Variants in STK31 observed in about 807,000 individuals in gnomAD.
STK31 encodes the protein serine/threonine kinase 31.
Under a neutral mutation model 129.7 loss-of-function variants are expected in STK31, and 89 were observed. The ratio of observed to expected loss-of-function variants is 0.69; its 90% CI spans 0.58 to 0.82. STK31 has a LOEUF of 0.82. STK31 is among the 40% of genes least tolerant of loss of function. STK31 has a pLI of 0.00. For missense variants in STK31, 1,187 were observed against 1,176.4 expected, an observed-to-expected ratio of 1.01 and a Z score of -0.13; for synonymous variants, 448 against 395.3, an observed-to-expected ratio of 1.13 and a Z score of -1.58.
intron 22 of STK31, among the ~76,000 whole-genome samples, chr7:23,804,512 G>C (rs1227257004): frequency 6.6e-6 from 1 of 152,002 alleles, no homozygotes; most frequent in East Asian, 1.9e-4. Context: ...ATAGTTCCAT[G>C]TTTTTTTCCT....
chr7:23,730,878 A>ATATATTTTTTTTT, intron 6 of STK31, among the ~76,000 whole-genome samples: 10 of 59,540 alleles, frequency 1.7e-4, no homozygotes, highest in Non-Finnish European at 3.3e-4. Flanking sequence ...ATATATATAT[A>ATATATTTTTTTTT]TTTTTTTTTT....
At chr7:23,788,374 A>G (rs1584449602) in intron 21 of STK31, among the ~76,000 whole-genome samples, 2 of 152,138 alleles carry the variant, frequency 1.3e-5, no homozygotes, top group Non-Finnish European at 2.9e-5. Context: ...GACAACATTA[A>G]TAATTTTGTC....
chr7:23,830,592 TTGTG>T lies in STK31; in HGVS notation c.2830-1510_2830-1507del, dbSNP rs3034048. On this transcript the variant is annotated intron_variant, in intron 23 of 23. Transcript: ENST00000355870. Reference sequence around the variant, plus strand: ...AGCAGCACGTTGTTTAATTTCCATGTTGTGTGTGTGTGTGTGTGTGTGTGTGTGT... The same window carrying T: ...AGCAGCACGTTGTTTAATTTCCATGTTGTGTGTGTGTGTGTGTGTGTGTGT... Among the ~76,000 whole-genome samples the T allele has an allele frequency of 6.4e-3, 908 of 142,232 alleles. 7 individuals are homozygous for T. The highest frequency in any genetic ancestry group is 0.02 in the African/African-American group (739 of 37,098). The allele number at this position is 142,232 out of a possible 152,430, so 93.3% of individuals were successfully genotyped here. A position where few individuals can be genotyped will look rare whatever the true frequency, so the allele number is the denominator to read the frequency against.
Position 23,721,935 on chromosome 7 carries a change from A to G in STK31, c.249+4356A>G, listed in dbSNP as rs184443614. 2.7e-3 allele frequency among the ~76,000 whole-genome samples: 404 copies of G among 152,270 alleles called. 1 individual carries two copies. Among genetic ancestry groups the G allele is most frequent in the South Asian group, 5.0e-3 (24 of 4,828 alleles). On this transcript the variant is annotated intron_variant, in intron 4 of 23. Coordinates refer to ENST00000355870, the MANE Select transcript of STK31 (RefSeq NM_031414.5). Reference sequence around the variant, plus strand: ...TGGTTCTCAGCTCCATCAGGTCATTAAGGACTTCTCTACACTGTTTATTCT... The same window carrying G: ...TGGTTCTCAGCTCCATCAGGTCATTGAGGACTTCTCTACACTGTTTATTCT...
At position 23,765,842 on chromosome 7, in the gene STK31, C is replaced by T. The variant is rs1291492105; in HGVS notation, c.1416+2919C>T. Among the ~76,000 whole-genome samples the T allele has an allele frequency of 2.6e-5, 4 of 152,136 alleles. No individual in the cohort carries two copies. In the East Asian group the frequency reaches 7.7e-4, roughly 29 times the overall value. ...GATTACAGGCGTGAGCCACTGTGCC[C>T]GGCCACTCTTCTAATACTTTAGAAC... On this transcript the variant is annotated intron_variant, in intron 11 of 23. Coordinates refer to ENST00000355870, the MANE Select transcript of STK31 (RefSeq NM_031414.5).
At chr7:23,773,228 G>A (rs1790318356) in intron 15 of STK31, among the ~76,000 whole-genome samples, 1 of 151,990 alleles carries the variant, frequency 6.6e-6, no homozygotes, top group South Asian at 2.1e-4. Flanking sequence ...AGTGTGTGAT[G>A]TTCCCCTCCC....
chr7:23,820,244 A>G (rs1793720472), intron 23 of STK31, among the ~76,000 whole-genome samples: 1 of 152,166 alleles, frequency 6.6e-6, no homozygotes, highest in South Asian at 2.1e-4. Context: ...ACGCATACCC[A>G]AGTCCTACAG....
At chr7:23,810,825 TATAA>T (rs1279002575) in intron 22 of STK31, among the ~76,000 whole-genome samples, 2 of 140,956 alleles carry the variant, frequency 1.4e-5, no homozygotes, top group African/African-American at 2.6e-5. Context: ...TATAAATATG[TATAA>T]ATATATATTT....
chr7:23,800,587 G>A (rs753710369), intron 22 of STK31, among the ~76,000 whole-genome samples: 23 of 151,998 alleles, frequency 1.5e-4, no homozygotes, highest in Non-Finnish European at 2.4e-4. Flanking sequence ...ATCACACAGT[G>A]GGGCCTGTTG....
At chr7:23,757,369 C>G (rs1269613496) in intron 10 of STK31, among the ~76,000 whole-genome samples, 1 of 152,100 alleles carries the variant, frequency 6.6e-6, no homozygotes, top group Non-Finnish European at 1.5e-5. Flanking sequence ...CGGCAAAGGT[C>G]TCTGAGTTCC....
chr7:23,772,020 T>A (rs1182500374), intron 14 of STK31, 127 bp from the exon 15 acceptor site: 7 of 595,450 alleles, frequency 1.2e-5, no homozygotes, highest in Non-Finnish European at 1.9e-5. Flanking sequence ...AAATTATAGA[T>A]TTTCTTGGTA....
chr7:23,785,339 A>G, intron 17 of STK31, 139 bp from the exon 18 acceptor site: 1 of 1,217,712 alleles, frequency 8.2e-7, no homozygotes, highest in South Asian at 1.7e-5. Flanking sequence ...ACACAGTTTT[A>G]AAGATTTTAA....
chr7:23,796,168 G>C (rs1216700815), intron 22 of STK31, among the ~76,000 whole-genome samples: 1 of 152,170 alleles, frequency 6.6e-6, no homozygotes, highest in Non-Finnish European at 1.5e-5. Context: ...GGCCCAGGTG[G>C]AGATATTTGA....
chr7:23,745,501 G>A (rs1788295494), intron 8 of STK31, among the ~76,000 whole-genome samples: 1 of 152,224 alleles, frequency 6.6e-6, no homozygotes, highest in Non-Finnish European at 1.5e-5. Flanking sequence ...TTGCTCCAGT[G>A]GAGGCAGTTT....
At chr7:23,773,875 C>T (rs1451115629) in intron 15 of STK31, among the ~76,000 whole-genome samples, 2 of 151,954 alleles carry the variant, frequency 1.3e-5, no homozygotes, top group African/African-American at 4.8e-5. Flanking sequence ...GTTTGCTGCA[C>T]CCATTAACTA....
At chr7:23,741,315 T>C (rs1433069550) in intron 8 of STK31, among the ~76,000 whole-genome samples, 3 of 152,200 alleles carry the variant, frequency 2.0e-5, no homozygotes, top group African/African-American at 7.2e-5. Context: ...TAGGGATATA[T>C]ATAGCTATTG....
At chr7:23,717,659 C>T in intron 4 of STK31, 80 bp downstream of exon 4, 6 of 1,099,910 alleles carry the variant, frequency 5.5e-6, no homozygotes, top group Non-Finnish European at 7.9e-6. Context: ...TTTTGGAGTT[C>T]CTGGTATATT....
At chr7:23,785,685 C>T (rs762467697) in intron 18 of STK31, 82 bp downstream of exon 18, 1 of 1,501,146 alleles carries the variant, frequency 6.7e-7, no homozygotes, top group Non-Finnish European at 8.9e-7. Flanking sequence ...AAAGAAAAAA[C>T]CTCACTGTTA....
At chr7:23,776,953 G>A (rs1055069877) in intron 15 of STK31, among the ~76,000 whole-genome samples, 2 of 152,136 alleles carry the variant, frequency 1.3e-5, no homozygotes, top group Non-Finnish European at 2.9e-5. Context: ...TCACCTGTGG[G>A]CATTTAGTGC....
Sources: allele counts gnomAD v4.1 joint callset (sites outside exome capture counted in the v4.1 genomes callset), GRCh38; gene constraint gnomAD v4.1.1; transcripts MANE v1.5; gene names NCBI Gene and HGNC (gene_info 2026-07-23, HGNC 2026-07-21).